The following EFCAB6 variants were observed in gnomAD, a reference collection of about 807,000 sequenced individuals.
The protein encoded by EFCAB6 is EF-hand calcium binding domain 6, also known as EF-hand calcium-binding domain-containing protein 6.
A neutral mutation model predicts 169.8 loss-of-function variants in EFCAB6; 156 were observed. The observed-to-expected ratio is 0.92, with a 90% CI of 0.81 to 1.05. The LOEUF (loss-of-function observed/expected upper bound fraction) is 1.05. Ranked by LOEUF, EFCAB6 falls within the 50% of genes least tolerant of loss-of-function variation. The pLI, the probability that EFCAB6 is intolerant of heterozygous loss-of-function variation, is 0.00. For synonymous variants in EFCAB6, 698 were observed against 676.4 expected, an observed-to-expected ratio of 1.03 and a Z score of -0.50; for missense variants, 1,800 against 1,829.1, an observed-to-expected ratio of 0.98 and a Z score of 0.29.
intron 27 of EFCAB6, among the ~76,000 whole-genome samples, chr22:43,545,707 G>A (rs993171802): frequency 6.6e-6 from 1 of 152,166 alleles, no homozygotes; most frequent in Non-Finnish European, 1.5e-5. Flanking sequence ...TCTGAGCTCC[G>A]GGCTGGGCAC....
intron 10 of EFCAB6, among the ~76,000 whole-genome samples, chr22:43,701,178 G>A (rs1452786123): frequency 6.6e-6 from 1 of 152,144 alleles, no homozygotes; most frequent in Non-Finnish European, 1.5e-5. Context: ...TGGGGCTTGA[G>A]AGGGTAGCAA....
intron 26 of EFCAB6, among the ~76,000 whole-genome samples, chr22:43,576,073 G>A (rs1311328680): frequency 6.6e-6 from 1 of 151,952 alleles, no homozygotes; most frequent in Admixed American, 6.6e-5. Flanking sequence ...AAACCTCTTT[G>A]AAAATTAAAA....
rs748532259 is a variant in EFCAB6 at position 43,540,283 on chromosome 22, G to A, written c.3723C>T (p.Phe1241=). The part of the protein sequence containing the change: ...RLKYPDFLSR[F]SSETAATPMA... ...TTGGTGTGGCTGCTGTCTCGGAACT[G>A]AACCTGCTCAGGAAGTCCGGGTATT... Residue 1241 remains phenylalanine (F), a synonymous_variant, in exon 28 of 32, where the codon TTC becomes TTT. Coordinates refer to ENST00000262726, the MANE Select transcript of EFCAB6 (RefSeq NM_022785.4). The A allele has an allele frequency of 1.2e-6, 2 of 1,614,236 alleles. No individual in the cohort carries two copies. The highest frequency in any genetic ancestry group is 2.2e-5 in the South Asian group (2 of 91,084).
intron 2 of EFCAB6, among the ~76,000 whole-genome samples, chr22:43,789,239 T>A (rs1403845336): frequency 6.6e-6 from 1 of 152,112 alleles, no homozygotes; most frequent in African/African-American, 2.4e-5. Flanking sequence ...GAACACTGAA[T>A]TATACACTTT....
chr22:43,679,793 T>G lies in EFCAB6; in HGVS notation c.1252-1630A>C, dbSNP rs150469737. On this transcript the variant is annotated intron_variant, in intron 12 of 31. Transcript: ENST00000262726. ...TTGGCTGTTCACAGATCTTCTTGGG[T>G]AAAATGTCTATTAATATATTTTACC... Among the ~76,000 whole-genome samples, 314 of 152,272 alleles carry G rather than the reference T, an allele frequency of 2.1e-3. 1 individual carries two copies. Among genetic ancestry groups the G allele is most frequent in the African/African-American group, 7.3e-3 (305 of 41,556 alleles).
chr22:43,541,757 A>C (rs1053740658), intron 27 of EFCAB6, among the ~76,000 whole-genome samples: 1 of 151,926 alleles, frequency 6.6e-6, no homozygotes, highest in Non-Finnish European at 1.5e-5. Flanking sequence ...GGCCCCCCTG[A>C]CACCTTCCCA....
chr22:43,530,499 T>A, intron 31 of EFCAB6: 1 of 984,492 alleles, frequency 1.0e-6, no homozygotes, highest in African/African-American at 1.7e-5. Context: ...GGGAGAGGGC[T>A]CGGAGCAGCA....
intron 30 of EFCAB6, among the ~76,000 whole-genome samples, chr22:43,532,650 G>A (rs931827017): frequency 6.6e-6 from 1 of 151,910 alleles, no homozygotes; most frequent in Non-Finnish European, 1.5e-5. Context: ...TAAACTAGAA[G>A]CTAGGCTAAG....
chr22:43,788,512 G>T (rs2062160402), intron 2 of EFCAB6, among the ~76,000 whole-genome samples: 1 of 152,058 alleles, frequency 6.6e-6, no homozygotes, highest in East Asian at 1.9e-4. Flanking sequence ...GAAAAATGCA[G>T]ATCAAAACCA....
At chr22:43,606,940 A>C (rs138520000) in intron 22 of EFCAB6, among the ~76,000 whole-genome samples, 2 of 151,948 alleles carry the variant, frequency 1.3e-5, no homozygotes, top group Non-Finnish European at 2.9e-5. Context: ...TCTCATTCCC[A>C]TGGCCAGCCC....
intron 2 of EFCAB6, among the ~76,000 whole-genome samples, chr22:43,787,316 T>A (rs2062113637): frequency 6.7e-6 from 1 of 150,256 alleles, no homozygotes; most frequent in African/African-American, 2.4e-5. Context: ...TAGAAAATCC[T>A]AAGGAATACA....
At chr22:43,768,993 G>A (rs184067422) in intron 4 of EFCAB6, among the ~76,000 whole-genome samples, 18 of 152,268 alleles carry the variant, frequency 1.2e-4, no homozygotes, top group Admixed American at 1.1e-3. Flanking sequence ...TCTCCCCTAG[G>A]TATGTACCCA....
intron 3 of EFCAB6, among the ~76,000 whole-genome samples, chr22:43,775,729 C>T (rs1038919100): frequency 6.6e-6 from 1 of 152,212 alleles, no homozygotes; most frequent in African/African-American, 2.4e-5. Context: ...CAGGCGTGAG[C>T]CACCGCACCC....
intron 8 of EFCAB6, among the ~76,000 whole-genome samples, chr22:43,729,876 G>C (rs747347120): frequency 3.0e-4 from 46 of 152,140 alleles, no homozygotes; most frequent in Non-Finnish European, 3.5e-4. Flanking sequence ...CTGTGAATAT[G>C]TGCTGGTCAT....
At chr22:43,759,785 T>C (rs1213079037) in intron 5 of EFCAB6, 1 of 152,244 alleles carries the variant, frequency 6.6e-6, no homozygotes, top group African/African-American at 2.4e-5. Flanking sequence ...ATTCAGAAAC[T>C]TCCTCAATAT....
At chr22:43,711,210 T>C (rs1016186347) in intron 10 of EFCAB6, among the ~76,000 whole-genome samples, 1 of 152,200 alleles carries the variant, frequency 6.6e-6, no homozygotes, top group Non-Finnish European at 1.5e-5. Flanking sequence ...AAATATGCTA[T>C]CTGGTATTTG....
At chr22:43,662,052 T>G (rs1323439886) in intron 17 of EFCAB6, among the ~76,000 whole-genome samples, 1 of 151,846 alleles carries the variant, frequency 6.6e-6, no homozygotes, top group Admixed American at 6.6e-5. Context: ...TCCCAGCTAC[T>G]CAGGAAGCTG....
chr22:43,763,144 T>C (rs2061220612), intron 5 of EFCAB6, among the ~76,000 whole-genome samples: 1 of 152,156 alleles, frequency 6.6e-6, no homozygotes, highest in Non-Finnish European at 1.5e-5. Context: ...GTTCAAGTGA[T>C]ACTCCTGCCT....
intron 17 of EFCAB6, among the ~76,000 whole-genome samples, chr22:43,639,987 G>A (rs1217367211): frequency 1.3e-5 from 2 of 151,912 alleles, no homozygotes; most frequent in Admixed American, 6.6e-5. Flanking sequence ...ATTTCCATAT[G>A]GTTCTTCTTA....
Sources: allele counts gnomAD v4.1 joint callset (sites outside exome capture counted in the v4.1 genomes callset), GRCh38; gene constraint gnomAD v4.1.1; transcripts MANE v1.5; gene names NCBI Gene and HGNC (gene_info 2026-07-23, HGNC 2026-07-21).